Variants in PRSS53 observed in about 807,000 individuals in gnomAD.
PRSS53 encodes serine protease 53, also known as EDTP308.
In PRSS53, 54 loss-of-function variants were observed where a neutral mutation model predicts 62.7. That is an observed-to-expected ratio of 0.86 (90% CI 0.69 to 1.08). The LOEUF is 1.08. Among genes scored for constraint, PRSS53 ranks in the 50% least tolerant of loss-of-function variants. The pLI is 0.00. For missense variants in PRSS53, 688 were observed against 728.3 expected, an observed-to-expected ratio of 0.94 and a Z score of 0.64; for synonymous variants, 273 against 300.0, an observed-to-expected ratio of 0.91 and a Z score of 0.93.
chr16:31,083,576 A>T, exon 11 of PRSS53: 1 of 1,440,930 alleles, frequency 6.9e-7, no homozygotes. Flanking sequence ...CCTGCTTGGT[A>T]GCAGAGTTGG....
intron 6 of PRSS53, 114 bp downstream of exon 6, chr16:31,085,850 G>A: frequency 3.2e-6 from 3 of 949,830 alleles, no homozygotes; most frequent in Non-Finnish European, 4.9e-6. Flanking sequence ...CCCAGGGGGT[G>A]AAAGAGCCCC....
At chr16:31,086,673 G>C (rs1195249505) in exon 4 of PRSS53, 1 of 1,544,664 alleles carries the variant, frequency 6.5e-7, no homozygotes, top group African/African-American at 1.4e-5. Flanking sequence ...CCCAGCAGGA[G>C]GCTCCAAAGG....
intron 1 of PRSS53, chr16:31,088,351 C>T: frequency 8.9e-7 from 1 of 1,124,612 alleles, no homozygotes; most frequent in East Asian, 6.1e-5. Context: ...TGCCCACCGC[C>T]CCTCACAGGC....
chr16:31,086,367 G>A, exon 5 of PRSS53: 2 of 1,613,294 alleles, frequency 1.2e-6, no homozygotes, highest in Non-Finnish European at 1.7e-6. Flanking sequence ...CAGGCTGGGG[G>A]CCCCCACATA....
rs1390421955 is a variant in PRSS53 at position 31,083,939 on chromosome 16, C to T, written c.1643-130G>A. The T allele has an allele frequency of 1.5e-5, 23 of 1,530,228 alleles. 1 individual carries two copies. The highest frequency in any genetic ancestry group is 1.2e-4 in the East Asian group (5 of 41,880). The allele number at this position is 1,530,228 out of a possible 1,614,324, so 94.8% of individuals were successfully genotyped here. The stretch of plus-strand genomic sequence containing the variant: ...CAGATGAGAATACTGAGGCTCAAAG[C>T]GGTTGAGCAGCCTGCTCCAAGTCAC... On this transcript the variant is annotated intron_variant, in intron 10 of 10. Transcript: ENST00000280606.
rs1207702835 is a variant in PRSS53, at chr16:31,083,523, G to A, written c.*267C>T. The A allele has an allele frequency of 5.8e-6, 8 of 1,373,274 alleles. 1 individual carries two copies. In the South Asian group the frequency reaches 1.1e-4, roughly 19 times the overall value. 85.1% of individuals were successfully genotyped at this position (1,373,274 alleles called of 1,614,324 possible). Reference sequence around the variant, plus strand: ...AAATTTTCAAAACAACGTGGCTGGCGTGATTGTATCTGAAAGGGTAAAGGA... The same window carrying A: ...AAATTTTCAAAACAACGTGGCTGGCATGATTGTATCTGAAAGGGTAAAGGA... On this transcript the variant is annotated 3_prime_UTR_variant, in exon 11 of 11. Transcript: ENST00000280606.
rs755637656 is a variant in PRSS53 at position 31,088,818 on chromosome 16, G to A, written c.-9C>T. 8 of 1,613,450 alleles carry A rather than the reference G, an allele frequency of 5.0e-6. No individual in the cohort carries two copies. The East Asian group carries it at 1.1e-4, about 22-fold the overall frequency. On this transcript the variant is annotated 5_prime_UTR_variant, in exon 1 of 11. Transcript: ENST00000280606. Reference sequence around the variant, plus strand: ...CCCCAGCACCACTTCATGCTGCCCCGGGCCACTCTGCCACCTGTGCTCCAC... The same window carrying A: ...CCCCAGCACCACTTCATGCTGCCCCAGGCCACTCTGCCACCTGTGCTCCAC...
chr16:31,087,911 G>T lies in PRSS53; in HGVS notation c.59-85C>A, dbSNP rs539678558. On this transcript the variant is annotated intron_variant, in intron 1 of 10. Transcript: ENST00000280606. Reference sequence around the variant, plus strand: ...GGAGAGGGGATGGGCTGGGGGGCGGGCCCAGGGTCCTTGCCTGTGACTCTG... The same window carrying T: ...GGAGAGGGGATGGGCTGGGGGGCGGTCCCAGGGTCCTTGCCTGTGACTCTG... 70 of 1,580,736 alleles carry T rather than the reference G, an allele frequency of 4.4e-5. No homozygotes were observed. In the East Asian group the frequency reaches 1.3e-3, roughly 30 times the overall value.
chr16:31,085,195 T>A, exon 7 of PRSS53: 1 of 1,608,992 alleles, frequency 6.2e-7, no homozygotes, highest in Non-Finnish European at 8.5e-7. Context: ...TGCATCAGCC[T>A]GGCCTCCCAG....
At chr16:31,083,523 G>C in exon 11 of PRSS53, 5 of 1,373,274 alleles carry the variant, frequency 3.6e-6, no homozygotes, top group African/African-American at 3.0e-5. Context: ...CGTGGCTGGC[G>C]TGATTGTATC....
At chr16:31,088,431 G>T in intron 1 of PRSS53, 4 of 1,241,250 alleles carry the variant, frequency 3.2e-6, no homozygotes, top group Non-Finnish European at 4.1e-6. Context: ...GGAAACTGAG[G>T]CCAGAGGAGC....
At position 31,088,606 on chromosome 16, in the gene PRSS53, C is replaced by A. The variant is rs1441324137; in HGVS notation, c.58+146G>T. 4.1e-6 allele frequency: 6 copies of A among 1,478,048 alleles called. No individual in the cohort carries two copies. In the African/African-American group the frequency reaches 7.0e-5, roughly 17 times the overall value. 91.6% of individuals were successfully genotyped at this position (1,478,048 alleles called of 1,614,324 possible). On this transcript the variant is annotated intron_variant, in intron 1 of 10. Coordinates refer to ENST00000280606, the Ensembl canonical transcript of PRSS53. ...TGACACAGGTGGCCACATATACCACCCCACAGAGTCCTACGGAGTTACATC... is the reference window on the plus strand; with the variant it reads ...TGACACAGGTGGCCACATATACCACACCACAGAGTCCTACGGAGTTACATC...
chr16:31,085,921 T>G, intron 6 of PRSS53, 43 bp downstream of exon 6: 1 of 1,562,040 alleles, frequency 6.4e-7, no homozygotes, highest in Non-Finnish European at 8.8e-7. Context: ...TGAGGTTTGC[T>G]TCACAGTGGC....
Position 31,087,718 on chromosome 16 carries a change from C to T in PRSS53, c.80-19G>A, listed in dbSNP as rs1045244451. 1 of 1,613,864 alleles carries T rather than the reference C, an allele frequency of 6.2e-7. No individual in the cohort carries two copies. Among genetic ancestry groups the T allele is most frequent in the Non-Finnish European group, 8.5e-7 (1 of 1,179,924 alleles). ...CCACAGGCTGTGGAAAGGAGTTAGT[C>T]ACACTGACAGCAGATACCTGTCCTG... On this transcript the variant is annotated intron_variant, in intron 2 of 10. Coordinates refer to ENST00000280606, the Ensembl canonical transcript of PRSS53.
exon 4 of PRSS53, chr16:31,086,865 C>T (rs1441644475): frequency 6.2e-7 from 1 of 1,605,162 alleles, no homozygotes; most frequent in Non-Finnish European, 8.5e-7. Flanking sequence ...AACCCAGGAC[C>T]ACTGACCAGG....
chr16:31,086,928 C>T (rs1043819134), intron 3 of PRSS53, 30 bp from the exon 4 acceptor site: 5 of 1,564,056 alleles, frequency 3.2e-6, no homozygotes, highest in Non-Finnish European at 3.5e-6. Flanking sequence ...GTCCAGGCTG[C>T]TGAGTGCAAG....
intron 3 of PRSS53, chr16:31,087,151 C>T (rs1256435165): frequency 1.9e-5 from 10 of 537,550 alleles, no homozygotes; most frequent in Non-Finnish European, 6.5e-6. Flanking sequence ...GCGTGCACCA[C>T]CATGCCTGGC....
chr16:31,088,517 A>G, intron 1 of PRSS53: 6 of 1,410,326 alleles, frequency 4.3e-6, no homozygotes, highest in Non-Finnish European at 5.5e-6. Context: ...CACCTCACAC[A>G]CACACAAGAC....
Position 31,086,471 on chromosome 16 carries a change from GA to G in PRSS53, c.528del (p.Leu177CysfsTer82), listed in dbSNP as rs781649609. On this transcript the variant is annotated frameshift_variant, in exon 5 of 11. Coordinates refer to ENST00000280606, the Ensembl canonical transcript of PRSS53. LOFTEE classifies it high-confidence loss of function. The stretch of plus-strand genomic sequence containing the variant: ...GGGCGACTGATGAGACGCAGGCGCA[GA>G]TTGCGTAGGGTCCCAGGAGCTGGTG... The G allele has an allele frequency of 6.2e-7, 1 of 1,613,672 alleles. No homozygotes were observed. The highest frequency in any genetic ancestry group is 1.7e-5 in the Admixed American group (1 of 59,996).
Sources: allele counts gnomAD v4.1 joint callset, GRCh38; gene constraint gnomAD v4.1.1; transcripts MANE v1.5; gene names NCBI Gene and HGNC (gene_info 2026-07-23, HGNC 2026-07-21).